SLIT2: variants seen among roughly 807,000 people sequenced by gnomAD.
SLIT2 encodes the protein slit guidance ligand 2.
SLIT2 carries 41 observed loss-of-function variants against 185.7 expected under a neutral mutation model. The observed-to-expected ratio is 0.22, with a 90% CI of 0.17 to 0.29. SLIT2 has a LOEUF of 0.29. Ranked by LOEUF, SLIT2 falls within the 10% of genes least tolerant of loss-of-function variation. The probability of loss-of-function intolerance (pLI) is 1.00; values close to 1 mark genes in which losing one functional copy is unlikely to be tolerated. For missense variants in SLIT2, 1,571 were observed against 1,909.0 expected (o/e 0.82, Z 3.30); for synonymous variants, 693 against 680.2 (o/e 1.02, Z -0.29).
chr4:20,445,999 T>TC (rs1490155102), intron 4 of SLIT2, among the ~76,000 whole-genome samples: 1 of 152,188 alleles, frequency 6.6e-6, no homozygotes, highest in Non-Finnish European at 1.5e-5. Context: ...CACTGTTCAT[T>TC]TCCTCTTGTT....
intron 4 of SLIT2, among the ~76,000 whole-genome samples, chr4:20,443,473 A>G (rs1296767057): frequency 4.6e-5 from 7 of 151,432 alleles, no homozygotes; most frequent in African/African-American, 1.5e-4. Context: ...CAAGCAGATA[A>G]CTTTTAGCTC....
chr4:20,568,907 C>A lies in SLIT2; in HGVS notation c.2991C>A (p.Val997=). Reference sequence around the variant, plus strand: ...GATTTGAAGGAGAAAATTGTGAAGTCAACGTTGATGATTGTGAAGATAATG... The same window carrying A: ...GATTTGAAGGAGAAAATTGTGAAGTAAACGTTGATGATTGTGAAGATAATG... The part of the protein sequence containing the change: ...ADGFEGENCE[V]NVDDCEDNDC... The change falls in exon 29 of 37, where the codon GTC becomes GTA. Residue 997 remains valine (V), a synonymous_variant. Transcript: ENST00000504154. 6.2e-7 allele frequency: 1 copy of A among 1,612,236 alleles called. No homozygotes were observed. The highest frequency in any genetic ancestry group is 1.1e-5 in the South Asian group (1 of 91,000).
At chr4:20,255,052 C>T (rs1247542924) in intron 1 of SLIT2, 1 of 456,324 alleles carries the variant, frequency 2.2e-6, no homozygotes, top group Admixed American at 2.3e-5. Flanking sequence ...AGGCCGCCGC[C>T]CCGCGCCAGT....
chr4:20,257,638 A>G (rs1711985309), intron 2 of SLIT2, among the ~76,000 whole-genome samples: 1 of 152,024 alleles, frequency 6.6e-6, no homozygotes, highest in Non-Finnish European at 1.5e-5. Context: ...TTTGACCAGT[A>G]AATCTCATGA....
At chr4:20,540,632 G>T (rs1464011223) in intron 19 of SLIT2, among the ~76,000 whole-genome samples, 1 of 152,098 alleles carries the variant, frequency 6.6e-6, no homozygotes, top group Non-Finnish European at 1.5e-5. Context: ...AGATTTCTCA[G>T]TAACGGTGGC....
rs1377383143 is a variant in SLIT2 at position 20,543,676 on chromosome 4, T to C, written c.2276+1050T>C. 2.0e-5 allele frequency among the ~76,000 whole-genome samples: 3 copies of C among 152,162 alleles called. No homozygotes were observed. In the East Asian group the frequency reaches 5.8e-4, roughly 29 times the overall value. On this transcript the variant is annotated intron_variant, in intron 21 of 36. Transcript: ENST00000504154. ...CATGTCATTTCAATTTTTAAGGATCTTATTTTCAAATCACATGCAATTCTT... is the reference window on the plus strand; with the variant it reads ...CATGTCATTTCAATTTTTAAGGATCCTATTTTCAAATCACATGCAATTCTT...
intron 4 of SLIT2, among the ~76,000 whole-genome samples, chr4:20,359,370 A>G (rs1722571484): frequency 6.6e-6 from 1 of 152,124 alleles, no homozygotes. Flanking sequence ...TCCATGAGCC[A>G]GTATTACAAA....
intron 5 of SLIT2, among the ~76,000 whole-genome samples, chr4:20,471,848 G>A (rs1278367923): frequency 1.3e-5 from 2 of 152,218 alleles, no homozygotes; most frequent in Non-Finnish European, 2.9e-5. Context: ...CAGTTATCTT[G>A]CTCTTAAACA....
At chr4:20,343,022 C>T (rs1721092736) in intron 4 of SLIT2, among the ~76,000 whole-genome samples, 1 of 151,374 alleles carries the variant, frequency 6.6e-6, no homozygotes, top group Non-Finnish European at 1.5e-5. Flanking sequence ...ATAGAATGTA[C>T]AATAATCAAT....
rs1553842944 is a variant in SLIT2, at chr4:20,570,737, A to ATATATG, written c.3088+1738_3088+1739insGTATAT. Among the ~76,000 whole-genome samples, 8 of 77,296 alleles carry ATATATG rather than the reference A, an allele frequency of 1.0e-4. No individual in the cohort carries two copies. In the East Asian group the frequency reaches 0.027, roughly 261 times the overall value. 50.7% of individuals were successfully genotyped at this position (77,296 alleles called of 152,430 possible). On this transcript the variant is annotated intron_variant, in intron 29 of 36. Coordinates refer to ENST00000504154, the MANE Select transcript of SLIT2 (RefSeq NM_004787.4). ...AATATATATATATATATATGTATAT[A>ATATATG]TATATATATATATATATATATATAT... is the stretch of plus-strand genomic sequence containing the variant.
chr4:20,291,472 A>G (rs1229786946), intron 4 of SLIT2, among the ~76,000 whole-genome samples: 2 of 17,730 alleles, frequency 1.1e-4, no homozygotes, highest in Non-Finnish European at 9.4e-5. Context: ...ATATATATAT[A>G]TATATATATA....
intron 29 of SLIT2, among the ~76,000 whole-genome samples, chr4:20,586,960 T>C (rs1208502441): frequency 2.0e-5 from 3 of 152,130 alleles, no homozygotes; most frequent in Non-Finnish European, 4.4e-5. Flanking sequence ...TAGGCAGTAA[T>C]TGGATGCAGA....
At chr4:20,439,684 A>G (rs1230594097) in intron 4 of SLIT2, among the ~76,000 whole-genome samples, 3 of 152,202 alleles carry the variant, frequency 2.0e-5, no homozygotes, top group African/African-American at 7.2e-5. Flanking sequence ...AGGGGAGCAC[A>G]ATTCCATTTA....
At chr4:20,451,537 C>T (rs1013812918) in intron 4 of SLIT2, among the ~76,000 whole-genome samples, 3 of 152,298 alleles carry the variant, frequency 2.0e-5, no homozygotes, top group East Asian at 3.9e-4. Context: ...CTAATGCACA[C>T]ATAACATATA....
chr4:20,536,316 G>A (rs1352135872), intron 18 of SLIT2, among the ~76,000 whole-genome samples: 1 of 152,088 alleles, frequency 6.6e-6, no homozygotes, highest in African/African-American at 2.4e-5. Context: ...AGCACTTTGG[G>A]AGGCCAAGGC....
chr4:20,298,038 G>A (rs907382676), intron 4 of SLIT2, among the ~76,000 whole-genome samples: 1 of 151,818 alleles, frequency 6.6e-6, no homozygotes, highest in South Asian at 2.1e-4. Flanking sequence ...GGATCCTAAA[G>A]GCATATGTGC....
chr4:20,475,568 T>C (rs1029145659), intron 5 of SLIT2, among the ~76,000 whole-genome samples: 5 of 152,154 alleles, frequency 3.3e-5, no homozygotes, highest in Non-Finnish European at 7.4e-5. Context: ...ACATACCATG[T>C]ATAACTTATT....
intron 9 of SLIT2, among the ~76,000 whole-genome samples, chr4:20,502,234 T>C (rs1718807914): frequency 6.6e-6 from 1 of 152,118 alleles, no homozygotes; most frequent in Non-Finnish European, 1.5e-5. Flanking sequence ...GAAAAAGAAA[T>C]ATTAAAATAA....
chr4:20,325,714 G>T (rs1719521166), intron 4 of SLIT2, among the ~76,000 whole-genome samples: 1 of 152,018 alleles, frequency 6.6e-6, no homozygotes, highest in Non-Finnish European at 1.5e-5. Flanking sequence ...TTTGAATTTT[G>T]TTTTTGCTAG....
Sources: allele counts gnomAD v4.1 joint callset (sites outside exome capture counted in the v4.1 genomes callset), GRCh38; gene constraint gnomAD v4.1.1; transcripts MANE v1.5; gene names NCBI Gene and HGNC (gene_info 2026-07-23, HGNC 2026-07-21).